ADAD1: variants seen among roughly 807,000 people sequenced by gnomAD.
ADAD1 encodes the protein adenosine deaminase domain containing 1.
ADAD1 carries 46 observed loss-of-function variants against 66.8 expected under a neutral mutation model. That is an observed-to-expected ratio of 0.69 (90% CI 0.54 to 0.88). ADAD1 has a LOEUF of 0.88. Among genes scored for constraint, ADAD1 ranks in the 40% least tolerant of loss-of-function variants. The pLI is 0.00. For missense variants in ADAD1, 617 were observed against 681.8 expected (o/e 0.91, Z 1.06); for synonymous variants, 248 against 229.4 (o/e 1.08, Z -0.73).
intron 5 of ADAD1, among the ~76,000 whole-genome samples, chr4:122,385,618 G>A (rs969981228): frequency 2.0e-5 from 3 of 152,082 alleles, no homozygotes; most frequent in Non-Finnish European, 2.9e-5. Context: ...TGCAGAACAT[G>A]CCAGTTTGTT....
intron 7 of ADAD1, among the ~76,000 whole-genome samples, chr4:122,404,598 T>C (rs1320925862): frequency 6.6e-6 from 1 of 152,142 alleles, no homozygotes; most frequent in Non-Finnish European, 1.5e-5. Context: ...CCTTTGGTTT[T>C]CCTGGTATGT....
intron 5 of ADAD1, among the ~76,000 whole-genome samples, chr4:122,388,031 T>C (rs527635632): frequency 6.6e-6 from 1 of 152,278 alleles, no homozygotes; most frequent in South Asian, 2.1e-4. Flanking sequence ...AGTGCTGGGA[T>C]TACAGGCATG....
chr4:122,384,891 A>G (rs1795088133), intron 5 of ADAD1, among the ~76,000 whole-genome samples: 1 of 152,174 alleles, frequency 6.6e-6, no homozygotes, highest in Admixed American at 6.5e-5. Context: ...CGGCACTTCT[A>G]TATTCATTAT....
intron 3 of ADAD1, chr4:122,380,453 G>T: frequency 1.7e-6 from 1 of 578,762 alleles, no homozygotes; most frequent in Non-Finnish European, 2.9e-6. Context: ...TTACCACCTT[G>T]ACTGTTCAAA....
At chr4:122,394,125 C>T (rs1795586215) in intron 6 of ADAD1, among the ~76,000 whole-genome samples, 1 of 152,128 alleles carries the variant, frequency 6.6e-6, no homozygotes, top group South Asian at 2.1e-4. Flanking sequence ...CTTTTTTACT[C>T]ATCTATGAGA....
At chr4:122,427,980 A>G (rs1462041908) in intron 12 of ADAD1, among the ~76,000 whole-genome samples, 1 of 152,214 alleles carries the variant, frequency 6.6e-6, no homozygotes, top group African/African-American at 2.4e-5. Flanking sequence ...AAATAAACCT[A>G]TACACATATG....
chr4:122,387,035 A>C (rs1018606351), intron 5 of ADAD1, among the ~76,000 whole-genome samples: 1 of 152,190 alleles, frequency 6.6e-6, no homozygotes, highest in Non-Finnish European at 1.5e-5. Context: ...CTTTGATTTC[A>C]TATGAAATTT....
intron 2 of ADAD1, 193 bp downstream of exon 2, chr4:122,379,638 C>G (rs1794781080): frequency 6.4e-6 from 1 of 155,324 alleles, no homozygotes; most frequent in Non-Finnish European, 1.4e-5. Flanking sequence ...TGAGGCGCAG[C>G]AGCAGCTGCC....
chr4:122,383,298 C>T (rs958236951), intron 4 of ADAD1, among the ~76,000 whole-genome samples: 1 of 152,120 alleles, frequency 6.6e-6, no homozygotes, highest in African/African-American at 2.4e-5. Context: ...TGATAGTACA[C>T]AGGGTTTCTT....
intron 12 of ADAD1, 102 bp downstream of exon 12, chr4:122,421,492 C>T: frequency 9.1e-7 from 1 of 1,102,786 alleles, no homozygotes; most frequent in African/African-American, 1.6e-5. Flanking sequence ...TTGAATACTT[C>T]CTGAATATAA....
At chr4:122,392,994 T>C (rs547258613) in intron 5 of ADAD1, among the ~76,000 whole-genome samples, 2 of 152,078 alleles carry the variant, frequency 1.3e-5, no homozygotes, top group Admixed American at 1.3e-4. Context: ...ACTACTTTAA[T>C]TGGTACCTTA....
At chr4:122,410,223 G>A (rs1796407603) in intron 8 of ADAD1, among the ~76,000 whole-genome samples, 1 of 152,058 alleles carries the variant, frequency 6.6e-6, no homozygotes, top group Non-Finnish European at 1.5e-5. Flanking sequence ...AGACTATGAG[G>A]GTAATGCATC....
intron 12 of ADAD1, among the ~76,000 whole-genome samples, chr4:122,426,752 C>T (rs1490396444): frequency 1.3e-5 from 2 of 152,160 alleles, no homozygotes; most frequent in Non-Finnish European, 2.9e-5. Context: ...TCTCAAAAGA[C>T]ATACAAAATG....
At chr4:122,427,674 A>G (rs1181241845) in intron 12 of ADAD1, among the ~76,000 whole-genome samples, 1 of 151,630 alleles carries the variant, frequency 6.6e-6, no homozygotes, top group Non-Finnish European at 1.5e-5. Flanking sequence ...AGCTGGCATT[A>G]CAGGCACCCG....
chr4:122,429,108 T>C (rs1797392419), intron 12 of ADAD1, among the ~76,000 whole-genome samples: 1 of 150,922 alleles, frequency 6.6e-6, no homozygotes, highest in African/African-American at 2.5e-5. Flanking sequence ...GTATGATTAA[T>C]CTTTTAATTT....
chr4:122,423,415 T>C (rs1465310852), intron 12 of ADAD1, among the ~76,000 whole-genome samples: 1 of 152,252 alleles, frequency 6.6e-6, no homozygotes, highest in Admixed American at 6.5e-5. Context: ...ACTACACTCA[T>C]GTGCAGGGAA....
chr4:122,395,783 T>C (rs1795682107), intron 6 of ADAD1, among the ~76,000 whole-genome samples: 1 of 152,232 alleles, frequency 6.6e-6, no homozygotes, highest in Admixed American at 6.5e-5. Flanking sequence ...TTCTGTCTTT[T>C]TTAGTGAGAA....
intron 7 of ADAD1, among the ~76,000 whole-genome samples, chr4:122,397,743 A>G (rs753872870): frequency 6.6e-6 from 1 of 152,204 alleles, no homozygotes; most frequent in Non-Finnish European, 1.5e-5. Context: ...ATGAAGTGAC[A>G]TGAATAAAAA....
At chr4:122,394,658 A>G (rs1795612928) in intron 6 of ADAD1, among the ~76,000 whole-genome samples, 1 of 152,196 alleles carries the variant, frequency 6.6e-6, no homozygotes, top group South Asian at 2.1e-4. Flanking sequence ...AGAGAGGGCA[A>G]TGAGGGATCA....
Sources: gnomAD v4.1 joint callset for allele counts (sites outside exome capture counted in the v4.1 genomes callset) on GRCh38, gnomAD v4.1.1 for gene constraint, MANE v1.5 for transcripts, NCBI Gene and HGNC (gene_info 2026-07-23, HGNC 2026-07-21) for gene names.